Variants in GAS7 observed in about 807,000 individuals in gnomAD.
The protein encoded by GAS7 is growth arrest specific 7, also known as growth arrest-specific protein 7.
GAS7 carries 28 observed loss-of-function variants against 71.1 expected under a neutral mutation model. The ratio of observed to expected loss-of-function variants is 0.39; its 90% CI spans 0.29 to 0.54. GAS7 has a LOEUF of 0.54. Among genes scored for constraint, GAS7 ranks in the 20% least tolerant of loss-of-function variants. GAS7 has a pLI of 0.62. For synonymous variants in GAS7, 258 were observed against 245.8 expected (o/e 1.05, Z -0.46); for missense variants, 436 against 627.8 (o/e 0.69, Z 3.27).
chr17:10,017,384 A>G (rs1321664744), intron 2 of GAS7, among the ~76,000 whole-genome samples: 1 of 151,128 alleles, frequency 6.6e-6, no homozygotes, highest in Non-Finnish European at 1.5e-5. Flanking sequence ...GCTGGAGTGC[A>G]ATGGCGTGAT....
At position 9,959,305 on chromosome 17, in the gene GAS7, A is replaced by G. The variant is rs752931695; in HGVS notation, c.472-50T>C. On this transcript the variant is annotated intron_variant, in intron 4 of 13. Coordinates refer to ENST00000432992, the MANE Select transcript of GAS7 (RefSeq NM_201433.2). This position sits in a 1 kb window ranked among gnomAD's most constrained non-coding sequence, Gnocchi z 5.0. ...GTCAAAGCTGTTCTCCATATTGGAC[A>G]TTTTTTCCCCCCATTCAGGTTCCCT... is the stretch of plus-strand genomic sequence containing the variant. The G allele has an allele frequency of 6.2e-7, 1 of 1,613,192 alleles. No homozygotes were observed. The highest frequency in any genetic ancestry group is 1.7e-5 in the Admixed American group (1 of 59,936).
At chr17:10,078,155 A>T (rs781502899) in intron 1 of GAS7, among the ~76,000 whole-genome samples, 4 of 151,952 alleles carry the variant, frequency 2.6e-5, no homozygotes, top group Non-Finnish European at 5.9e-5. Flanking sequence ...ACAGTGGTGC[A>T]ATCACAGCTC....
intron 2 of GAS7, among the ~76,000 whole-genome samples, chr17:9,993,169 G>A (rs2152145205): frequency 6.6e-6 from 1 of 151,342 alleles, no homozygotes; most frequent in East Asian, 1.9e-4. Context: ...AGATCCCTGA[G>A]GAATCGCCAC....
chr17:9,933,697 T>G (rs1020281661), intron 9 of GAS7, among the ~76,000 whole-genome samples: 1 of 151,884 alleles, frequency 6.6e-6, no homozygotes, highest in African/African-American at 2.4e-5. Context: ...ATAAAAAAAT[T>G]ACCCAGGCAT....
intron 1 of GAS7, among the ~76,000 whole-genome samples, chr17:10,040,358 G>A (rs1243758803): frequency 6.6e-6 from 1 of 152,152 alleles, no homozygotes; most frequent in African/African-American, 2.4e-5. Flanking sequence ...GAGAAATATA[G>A]TAGTGAAGGA....
intron 1 of GAS7, among the ~76,000 whole-genome samples, chr17:10,022,580 C>T (rs369356961): frequency 2.0e-5 from 3 of 152,328 alleles, no homozygotes; most frequent in Admixed American, 1.3e-4. Flanking sequence ...ACTGACTCAC[C>T]AGGCTATTCT....
chr17:10,091,890 G>T (rs1351978908), intron 1 of GAS7, among the ~76,000 whole-genome samples: 2 of 151,726 alleles, frequency 1.3e-5, no homozygotes, highest in African/African-American at 4.8e-5. Flanking sequence ...TGCCATGTTT[G>T]CCCAGGCTGG....
At position 9,959,467 on chromosome 17, in the gene GAS7, A is replaced by C. The variant is rs2069390859; in HGVS notation, c.472-212T>G. ...CTCTCGGGCTGAAGGCGAATTAAGG[A>C]AGCCTCCTGCACAGGCTCTGAGAGA... On this transcript the variant is annotated intron_variant, in intron 4 of 13. Transcript: ENST00000432992. This position sits in a 1 kb window ranked among gnomAD's most constrained non-coding sequence, Gnocchi z 5.0. 2.8e-6 allele frequency: 4 copies of C among 1,427,406 alleles called. No homozygotes were observed. 88.4% of individuals were successfully genotyped at this position (1,427,406 alleles called of 1,614,324 possible).
intron 1 of GAS7, among the ~76,000 whole-genome samples, chr17:10,085,691 C>CAAAAAAAAAAAA (rs1194345705): frequency 1.7e-5 from 1 of 58,246 alleles, no homozygotes; most frequent in Non-Finnish European, 3.2e-5. Context: ...GATTCCGTCT[C>CAAAAAAAAAAAA]AAAAAAAAAA....
At chr17:10,174,930 C>T (rs548930671) in intron 1 of GAS7, among the ~76,000 whole-genome samples, 2 of 152,194 alleles carry the variant, frequency 1.3e-5, no homozygotes, top group South Asian at 2.1e-4. Flanking sequence ...ACTGCAGCCT[C>T]GGCCTCCTGG....
chr17:10,002,359 G>A (rs1033584731), intron 2 of GAS7, among the ~76,000 whole-genome samples: 4 of 151,974 alleles, frequency 2.6e-5, no homozygotes, highest in Admixed American at 6.6e-5. Flanking sequence ...CTTGTGATGA[G>A]GACCCCAACA....
Position 10,130,722 on chromosome 17 carries a change from A to G in GAS7, c.183+67486T>C, listed in dbSNP as rs2073990649. Among the ~76,000 whole-genome samples the G allele has an allele frequency of 2.0e-5, 3 of 152,226 alleles. No homozygotes were observed. In the South Asian group the frequency reaches 6.2e-4, roughly 31 times the overall value. On this transcript the variant is annotated intron_variant, in intron 1 of 13. Coordinates refer to ENST00000432992, the MANE Select transcript of GAS7 (RefSeq NM_201433.2). The stretch of plus-strand genomic sequence containing the variant: ...GCTACAAGGAGAAAGAGCCTCAAAA[A>G]CATTCTGCTAAGTGAAACAAGCCAG...
chr17:10,061,511 GC>G (rs1416959822), intron 1 of GAS7: 2 of 152,252 alleles, frequency 1.3e-5, no homozygotes, highest in African/African-American at 2.4e-5. Flanking sequence ...CCTTGCCAAG[GC>G]CCCAGCAAGC....
intron 1 of GAS7, among the ~76,000 whole-genome samples, chr17:10,045,688 C>T (rs577592482): frequency 1.3e-4 from 20 of 152,190 alleles, no homozygotes; most frequent in African/African-American, 2.7e-4. Flanking sequence ...CAGAGTGAGA[C>T]GCTATCTCAA....
intron 7 of GAS7, among the ~76,000 whole-genome samples, chr17:9,941,337 T>C (rs111896917): frequency 1.6e-3 from 245 of 152,304 alleles, no homozygotes; most frequent in Non-Finnish European, 2.4e-3. Flanking sequence ...GATCTATCCA[T>C]GCCACGCTCC....
chr17:10,072,175 G>A (rs1411178704), intron 1 of GAS7, among the ~76,000 whole-genome samples: 5 of 151,984 alleles, frequency 3.3e-5, no homozygotes, highest in Admixed American at 2.0e-4. Flanking sequence ...TGGAGGTAGG[G>A]GGCTGATCTG....
intron 6 of GAS7, 68 bp downstream of exon 6, chr17:9,946,826 T>C: frequency 2.1e-6 from 2 of 955,816 alleles, no homozygotes; most frequent in Non-Finnish European, 3.3e-6. Context: ...AGGTCCCTCC[T>C]ACCCATCCTG....
chr17:10,003,589 C>T (rs76120718), intron 2 of GAS7, among the ~76,000 whole-genome samples: 1 of 152,140 alleles, frequency 6.6e-6, no homozygotes, highest in South Asian at 2.1e-4. Context: ...CTCACAGAAG[C>T]GACTCTTTTG....
intron 1 of GAS7, among the ~76,000 whole-genome samples, chr17:10,056,027 T>C (rs1018439404): frequency 1.3e-5 from 2 of 152,210 alleles, no homozygotes; most frequent in Non-Finnish European, 2.9e-5. Context: ...CTGCAGACTG[T>C]ATATCATTCA....
Sources: allele counts gnomAD v4.1 joint callset (sites outside exome capture counted in the v4.1 genomes callset), GRCh38; gene constraint gnomAD v4.1.1; non-coding constraint Gnocchi (gnomAD v3.1); transcripts MANE v1.5; gene names NCBI Gene and HGNC (gene_info 2026-07-23, HGNC 2026-07-21).